SCN10A: variants seen among roughly 807,000 people sequenced by gnomAD.
SCN10A encodes sodium channel protein type 10 subunit alpha.
A neutral mutation model predicts 170.7 loss-of-function variants in SCN10A; 162 were observed. The observed-to-expected ratio is 0.95, with a 90% CI of 0.84 to 1.08. The LOEUF is 1.08. SCN10A is among the 50% of genes least tolerant of loss of function. SCN10A has a pLI of 0.00. For synonymous variants in SCN10A, 985 were observed against 904.6 expected (o/e 1.09, Z -1.59); for missense variants, 2,527 against 2,436.9 (o/e 1.04, Z -0.78).
intron 26 of SCN10A, 50 bp downstream of exon 26, chr3:38,707,229 C>A: frequency 6.3e-7 from 1 of 1,589,534 alleles, no homozygotes; most frequent in South Asian, 1.1e-5. Flanking sequence ...CATAGACTGT[C>A]ATGTTGGATT....
rs977708037 is a variant in SCN10A at position 38,755,778 on chromosome 3, A to G, written c.1461+10T>C. The G allele has an allele frequency of 7.4e-6, 12 of 1,613,082 alleles. No individual in the cohort carries two copies. The highest frequency in any genetic ancestry group is 1.0e-5 in the Non-Finnish European group (12 of 1,179,970). ...GGGTAATCTTTAGAGCACAAACCTG[A>G]GCCTCTTACCATCCTGCGCTGGTTG... On this transcript the variant is annotated intron_variant, in intron 11 of 27. Transcript: ENST00000449082.
chr3:38,743,828 A>G (rs1201231832), intron 13 of SCN10A, among the ~76,000 whole-genome samples: 3 of 152,076 alleles, frequency 2.0e-5, no homozygotes, highest in African/African-American at 7.2e-5. Context: ...AACCATCTCT[A>G]TGCCAATTCC....
At chr3:38,706,859 C>G (rs1043563690) in intron 26 of SCN10A, among the ~76,000 whole-genome samples, 4 of 152,128 alleles carry the variant, frequency 2.6e-5, no homozygotes, top group Admixed American at 2.0e-4. Context: ...GTCATTTCCT[C>G]TCTATACCTG....
intron 26 of SCN10A, among the ~76,000 whole-genome samples, chr3:38,704,239 A>G (rs1215960544): frequency 4.6e-5 from 7 of 152,202 alleles, no homozygotes; most frequent in Admixed American, 4.6e-4. Context: ...AGAGCAAAGA[A>G]TCAGACCAAA....
intron 4 of SCN10A, among the ~76,000 whole-genome samples, chr3:38,776,484 A>T (rs986263950): frequency 1.3e-5 from 2 of 152,138 alleles, no homozygotes; most frequent in Non-Finnish European, 2.9e-5. Context: ...ACAATAAAAT[A>T]CATTAGTCAA....
At chr3:38,763,251 T>C (rs2063895387) in intron 6 of SCN10A, among the ~76,000 whole-genome samples, 1 of 152,098 alleles carries the variant, frequency 6.6e-6, no homozygotes, top group East Asian at 1.9e-4. Flanking sequence ...TCCTGTTACG[T>C]ATTGATTGTG....
intron 22 of SCN10A, 90 bp from the exon 23 acceptor site, chr3:38,712,535 T>C: frequency 7.3e-7 from 1 of 1,374,888 alleles, no homozygotes; most frequent in African/African-American, 1.4e-5. Context: ...TCAGGCTGCT[T>C]CATGAGCCAG....
intron 4 of SCN10A, among the ~76,000 whole-genome samples, chr3:38,778,708 C>T (rs1195215265): frequency 6.6e-6 from 1 of 151,976 alleles, no homozygotes; most frequent in Non-Finnish European, 1.5e-5. Flanking sequence ...ATCTTTGGAG[C>T]CCCAGTCTAT....
Position 38,698,582 on chromosome 3 carries a change from T to C in SCN10A, c.4658-20A>G. The C allele has an allele frequency of 6.3e-7, 1 of 1,576,682 alleles. No homozygotes were observed. Among genetic ancestry groups the C allele is most frequent in the Non-Finnish European group, 8.7e-7 (1 of 1,148,466 alleles). ...TCAGGCCTTTAAAAGAAGGAAGAAA[T>C]TATCTAATTAGTATCTCCAGCCATG... On this transcript the variant is annotated intron_variant, in intron 27 of 27. Coordinates refer to ENST00000449082, the MANE Select transcript of SCN10A (RefSeq NM_006514.4).
intron 4 of SCN10A, among the ~76,000 whole-genome samples, chr3:38,774,699 T>C (rs770636887): frequency 2.0e-5 from 3 of 152,196 alleles, no homozygotes; most frequent in Non-Finnish European, 4.4e-5. Flanking sequence ...TTCATAAAAA[T>C]GGTAATTTAA....
At chr3:38,749,201 A>C (rs1235237284) in intron 13 of SCN10A, among the ~76,000 whole-genome samples, 2 of 152,148 alleles carry the variant, frequency 1.3e-5, no homozygotes, top group Non-Finnish European at 2.9e-5. Flanking sequence ...TCTTCCCCTC[A>C]AATTAGGATT....
intron 1 of SCN10A, 76 bp from the exon 2 acceptor site, chr3:38,794,118 G>C: frequency 9.5e-7 from 1 of 1,052,234 alleles, no homozygotes; most frequent in Non-Finnish European, 1.4e-6. Flanking sequence ...GTCCCATCTT[G>C]ATTGTCAGAA....
intron 4 of SCN10A, among the ~76,000 whole-genome samples, chr3:38,777,811 C>G (rs1046423692): frequency 5.9e-5 from 9 of 151,882 alleles, no homozygotes; most frequent in Non-Finnish European, 1.3e-4. Context: ...TGGTAGGAAC[C>G]ACTTGGGAAA....
intron 27 of SCN10A, among the ~76,000 whole-genome samples, chr3:38,699,206 TTTTTTTTTTTCGGTTCCAGCTG>T (rs1200611651): frequency 1.3e-5 from 2 of 151,966 alleles, no homozygotes; most frequent in Admixed American, 6.5e-5. Context: ...TTGTTTTTTT[TTTTTTTTTTTCGGTTCCAGCTG>T]TTTTTGAACT....
chr3:38,811,990 A>C (rs750413411), intron 1 of SCN10A, among the ~76,000 whole-genome samples: 1 of 152,206 alleles, frequency 6.6e-6, no homozygotes, highest in Non-Finnish European at 1.5e-5. Context: ...TGAGCCAGGC[A>C]ACCAATCAAT....
intron 13 of SCN10A, among the ~76,000 whole-genome samples, chr3:38,743,554 T>A (rs1022623303): frequency 2.4e-4 from 37 of 152,354 alleles, no homozygotes; most frequent in Middle Eastern, 3.4e-3. Context: ...GGAATCTGAC[T>A]TTAACTGCTT....
chr3:38,729,457 T>G (rs1416649983), intron 15 of SCN10A, among the ~76,000 whole-genome samples: 1 of 152,148 alleles, frequency 6.6e-6, no homozygotes, highest in Non-Finnish European at 1.5e-5. Context: ...CATTCATAAG[T>G]TGATTTAATT....
intron 20 of SCN10A, among the ~76,000 whole-genome samples, chr3:38,721,568 G>A (rs1334186916): frequency 6.6e-6 from 1 of 152,210 alleles, no homozygotes; most frequent in East Asian, 1.9e-4. Flanking sequence ...CAGGGCCTTA[G>A]AGATGTCTCC....
At chr3:38,699,793 A>G (rs1417714131) in intron 27 of SCN10A, among the ~76,000 whole-genome samples, 6 of 152,116 alleles carry the variant, frequency 3.9e-5, no homozygotes, top group Admixed American at 3.3e-4. Context: ...TTTAAGGGAG[A>G]ATGGTTCCTC....
Sources: gnomAD v4.1 joint callset for allele counts (sites outside exome capture counted in the v4.1 genomes callset) on GRCh38, gnomAD v4.1.1 for gene constraint, MANE v1.5 for transcripts, NCBI Gene and HGNC (gene_info 2026-07-23, HGNC 2026-07-21) for gene names.